OSBP: variants seen among roughly 807,000 people sequenced by gnomAD.
The protein encoded by OSBP is oxysterol binding protein, also known as oxysterol-binding protein 1.
In OSBP, 32 loss-of-function variants were observed where a neutral mutation model predicts 96.6. That is an observed-to-expected ratio of 0.33 (90% CI 0.25 to 0.45). The LOEUF is 0.45. Ranked by LOEUF, OSBP falls within the 20% of genes least tolerant of loss-of-function variation. OSBP has a pLI of 1.00. For synonymous variants in OSBP, 369 were observed against 389.6 expected, an observed-to-expected ratio of 0.95 and a Z score of 0.62; for missense variants, 653 against 1,029.7, an observed-to-expected ratio of 0.63 and a Z score of 5.01.
intron 7 of OSBP, among the ~76,000 whole-genome samples, chr11:59,594,722 C>T (rs1860626868): frequency 6.6e-6 from 1 of 152,096 alleles, no homozygotes; most frequent in African/African-American, 2.4e-5. Context: ...TAGTTTCCAC[C>T]CTGGACAAAA....
chr11:59,577,167 T>C (rs960708258), intron 12 of OSBP, 142 bp from the exon 13 acceptor site: 9 of 681,560 alleles, frequency 1.3e-5, no homozygotes, highest in African/African-American at 9.0e-5. Context: ...TCTAGGACCA[T>C]GTCACATTGC....
intron 3 of OSBP, 54 bp downstream of exon 3, chr11:59,608,428 TTA>T: frequency 1.2e-6 from 2 of 1,609,402 alleles, no homozygotes; most frequent in Non-Finnish European, 8.5e-7. Context: ...TTGGGGAGAA[TTA>T]TGTTTCAAAG....
rs772422914 is a variant in OSBP at position 59,576,850 on chromosome 11, A to C, written c.2236T>G (p.Ser746Ala). 17 of 1,614,126 alleles carry C rather than the reference A, an allele frequency of 1.1e-5. No homozygotes were observed. The highest frequency in any genetic ancestry group is 1.1e-5 in the Non-Finnish European group (13 of 1,180,022). ...GCTTCCGCTTCTCTCTTCTTTCTGG[A>C]AAGTCTTTGTTTTTCCTCCAGGCGC... ...KQRLEEKQRLSRKKREAEAMK... is the reference protein window; with the variant it reads ...KQRLEEKQRLARKKREAEAMK... Residue 746 changes from serine (S) to alanine (A), a missense_variant, in exon 13 of 14, where the codon TCC becomes GCC. Around this residue, in one of 6 missense-constraint regions of OSBP, gnomAD observed 169 missense variants for 251.5 expected, o/e 0.67. Transcript: ENST00000263847.
At position 59,579,394 on chromosome 11, in the gene OSBP, C is replaced by G. The variant is rs1172290576; in HGVS notation, c.1878+780G>C. Among the ~76,000 whole-genome samples, 17 of 147,610 alleles carry G rather than the reference C, an allele frequency of 1.2e-4. No individual in the cohort carries two copies. The Admixed American group carries it at 1.2e-3, about 10-fold the overall frequency. ...TGCTGCCCAGGCTGGAGTGCAATGG[C>G]GTGATCTCGGCTCACTGCAAACTCT... is the stretch of plus-strand genomic sequence containing the variant. On this transcript the variant is annotated intron_variant, in intron 11 of 13. Transcript: ENST00000263847.
chr11:59,602,917 G>A (rs1285274085), intron 3 of OSBP, among the ~76,000 whole-genome samples: 5 of 152,216 alleles, frequency 3.3e-5, no homozygotes, highest in Admixed American at 6.5e-5. Context: ...ACTGTGCCCA[G>A]TCGTGGACAC....
chr11:59,585,782 A>G (rs1037051292), intron 9 of OSBP, among the ~76,000 whole-genome samples: 2 of 152,236 alleles, frequency 1.3e-5, no homozygotes, highest in Admixed American at 1.3e-4. Flanking sequence ...TCTGTGTAGA[A>G]AGAAGTATAC....
chr11:59,590,835 C>T (rs11230016), intron 9 of OSBP, among the ~76,000 whole-genome samples: 1 of 152,226 alleles, frequency 6.6e-6, no homozygotes, highest in African/African-American at 2.4e-5. Flanking sequence ...TTCCAAGCCA[C>T]TGAGCCAAAA....
At chr11:59,601,420 T>TAAAGA in intron 4 of OSBP, 35 bp from the exon 5 acceptor site, 1 of 1,479,728 alleles carries the variant, frequency 6.8e-7, no homozygotes, top group Non-Finnish European at 9.4e-7. Context: ...TTGACTTTGG[T>TAAAGA]TATCTTTACC....
At chr11:59,596,820 C>A (rs533034659) in intron 7 of OSBP, among the ~76,000 whole-genome samples, 2 of 152,112 alleles carry the variant, frequency 1.3e-5, no homozygotes, top group African/African-American at 4.8e-5. Flanking sequence ...AGACTTCCCA[C>A]GGCTATAACC....
At chr11:59,615,260 A>C in intron 1 of OSBP, 43 bp downstream of exon 1, 1 of 1,500,126 alleles carries the variant, frequency 6.7e-7, no homozygotes, top group Non-Finnish European at 9.2e-7. Flanking sequence ...GTTGGCAGAT[A>C]TGGGGGAGGC....
At chr11:59,579,780 T>C (rs1347721705) in intron 11 of OSBP, among the ~76,000 whole-genome samples, 3 of 151,600 alleles carry the variant, frequency 2.0e-5, no homozygotes, top group Non-Finnish European at 2.9e-5. Flanking sequence ...GGTGCAATGG[T>C]GCGAGACTCA....
rs187449421 is a variant in OSBP at position 59,597,910 on chromosome 11, T to C, written c.1311+2586A>G. 2.0e-4 allele frequency among the ~76,000 whole-genome samples: 31 copies of C among 152,258 alleles called. No individual in the cohort carries two copies. The East Asian group carries it at 5.8e-3, about 28-fold the overall frequency. ...TAGTAGAGACAGGGTTTCACCATGT[T>C]GCCTAGGCTGGTCTCGAACTCCTGA... On this transcript the variant is annotated intron_variant, in intron 7 of 13. Transcript: ENST00000263847.
intron 3 of OSBP, among the ~76,000 whole-genome samples, chr11:59,607,183 T>C (rs751339381): frequency 2.6e-5 from 4 of 152,168 alleles, no homozygotes; most frequent in Non-Finnish European, 4.4e-5. Flanking sequence ...TGTGCCGAGT[T>C]GTTTTATTTA....
intron 1 of OSBP, 142 bp from the exon 2 acceptor site, chr11:59,610,731 C>T (rs1860833054): frequency 1.5e-6 from 1 of 665,364 alleles, no homozygotes; most frequent in African/African-American, 1.8e-5. Context: ...CAAACGGGTC[C>T]CTAAAATTCA....
At chr11:59,593,007 A>T (rs1860605167) in intron 9 of OSBP, among the ~76,000 whole-genome samples, 1 of 152,154 alleles carries the variant, frequency 6.6e-6, no homozygotes. Context: ...CATGTTGCCC[A>T]GGCTGGTCTT....
At chr11:59,606,242 T>C (rs1168356609) in intron 3 of OSBP, among the ~76,000 whole-genome samples, 5 of 152,074 alleles carry the variant, frequency 3.3e-5, no homozygotes, top group Non-Finnish European at 7.4e-5. Context: ...TCATGCTCAA[T>C]AGATGGCAGA....
In OSBP at chr11:59,576,451, A is replaced by G; in HGVS notation, c.*126T>C. 3 of 1,105,832 alleles carry G rather than the reference A, an allele frequency of 2.7e-6. No individual in the cohort carries two copies. The highest frequency in any genetic ancestry group is 3.9e-6 in the Non-Finnish European group (3 of 774,194). The allele number at this position is 1,105,832 out of a possible 1,614,324, so 68.5% of individuals were successfully genotyped here. A position where few individuals can be genotyped will look rare whatever the true frequency, so the allele number is the denominator to read the frequency against. ...TCTCCTTCTGGTGATTGATTTGGAA[A>G]AAATGATTGGTCAAGAGAGACAAAC... On this transcript the variant is annotated 3_prime_UTR_variant, in exon 14 of 14. Coordinates refer to ENST00000263847, the MANE Select transcript of OSBP (RefSeq NM_002556.3).
chr11:59,581,469 G>C lies in OSBP; in HGVS notation c.1764C>G (p.Gly588=). ...VTTTVHNIIV[G]KLWIDQSGEI... is the part of the protein sequence containing the mutation. ...TCCTCACCTGATCTATCCACAACTTGCCCACAATAATGTTGTGTACAGTTG... is the reference window on the plus strand; with the variant it reads ...TCCTCACCTGATCTATCCACAACTTCCCCACAATAATGTTGTGTACAGTTG... Residue 588 remains glycine, a synonymous_variant, in exon 10 of 14, where the codon GGC becomes GGG. Transcript: ENST00000263847. 1.2e-6 allele frequency: 2 copies of C among 1,607,276 alleles called. No individual in the cohort carries two copies. Among genetic ancestry groups the C allele is most frequent in the Non-Finnish European group, 1.7e-6 (2 of 1,174,402 alleles).
chr11:59,596,770 T>G (rs963410418), intron 7 of OSBP, among the ~76,000 whole-genome samples: 4 of 152,134 alleles, frequency 2.6e-5, no homozygotes, highest in Admixed American at 2.0e-4. Flanking sequence ...TAGAGCCACG[T>G]AGGTGCGCCA....
Sources: gnomAD v4.1 joint callset for allele counts (sites outside exome capture counted in the v4.1 genomes callset) on GRCh38, gnomAD v4.1.1 for gene constraint, gnomAD v4.1.1 regional missense constraint, MANE v1.5 for transcripts, NCBI Gene and HGNC (gene_info 2026-07-23, HGNC 2026-07-21) for gene names.